Variants in EIF2D observed in about 807,000 individuals in gnomAD.
EIF2D encodes hepatocellular carcinoma-associated antigen 56.
In EIF2D, 56 loss-of-function variants were observed where a neutral mutation model predicts 77.4. The observed-to-expected ratio is 0.72, with a 90% CI of 0.58 to 0.90. The LOEUF is 0.90. Among genes scored for constraint, EIF2D ranks in the 40% least tolerant of loss-of-function variants. The pLI is 0.00. For synonymous variants in EIF2D, 230 were observed against 271.0 expected (o/e 0.85, Z 1.49); for missense variants, 574 against 706.5 (o/e 0.81, Z 2.13).
rs1167047309 is a variant in EIF2D at position 206,603,383 on chromosome 1, A to T, written c.531-179T>A. 7 of 726,022 alleles carry T rather than the reference A, an allele frequency of 9.6e-6. No homozygotes were observed. In the Admixed American group the frequency reaches 2.1e-4, roughly 22 times the overall value. The allele number at this position is 726,022 out of a possible 1,614,324, so 45.0% of individuals were successfully genotyped here. ...GTACTTTCAATTCTGGGCCCCTAAA[A>T]GTTCCATGCCTCAGTTTCTTCATCT... On this transcript the variant is annotated intron_variant, in intron 5 of 14. Coordinates refer to ENST00000271764, the MANE Select transcript of EIF2D (RefSeq NM_006893.3).
At position 206,599,118 on chromosome 1, in the gene EIF2D, G is replaced by T. The variant is rs190825717; in HGVS notation, c.1203-26C>A. ...CTAGGTGAGGAGAAGTGACCCAGGG[G>T]TTAGTTCATGCTGTGCCATGAGACA... is the stretch of plus-strand genomic sequence containing the variant. On this transcript the variant is annotated intron_variant, in intron 10 of 14. Transcript: ENST00000271764. The surrounding 1 kb of genome is among the most constrained non-coding windows in gnomAD (Gnocchi z 4.1). 3.3e-5 allele frequency: 53 copies of T among 1,608,146 alleles called. 1 individual carries two copies. Among genetic ancestry groups the T allele is most frequent in the Non-Finnish European group, 9.4e-6 (11 of 1,174,830 alleles).
intron 3 of EIF2D, 75 bp downstream of exon 3, chr1:206,609,301 G>T: frequency 1.4e-6 from 2 of 1,394,190 alleles, no homozygotes; most frequent in Non-Finnish European, 1.0e-6. Context: ...CAGGAAATGG[G>T]TAAGTTTATT....
In EIF2D at chr1:206,599,963, A is replaced by G. The variant is rs1669840735; in HGVS notation, c.949-127T>C. ...TATGAGACAGCCCCTGCCTTCATCA[A>G]CCAGGAACTGGGAGGCCCCCAACCT... On this transcript the variant is annotated intron_variant, in intron 8 of 14. Transcript: ENST00000271764. This position sits in a 1 kb window ranked among gnomAD's most constrained non-coding sequence, Gnocchi z 4.1. The G allele has an allele frequency of 3.2e-6, 3 of 934,466 alleles. No individual in the cohort carries two copies. Among genetic ancestry groups the G allele is most frequent in the Non-Finnish European group, 4.8e-6 (3 of 626,016 alleles). 57.9% of individuals were successfully genotyped at this position (934,466 alleles called of 1,614,324 possible).
intron 4 of EIF2D, among the ~76,000 whole-genome samples, chr1:206,574,053 C>T (rs766566485): frequency 2.0e-5 from 3 of 152,200 alleles, no homozygotes; most frequent in Admixed American, 1.3e-4. Context: ...TGACTACTGT[C>T]GGTTTTTAAT....
intron 11 of EIF2D, among the ~76,000 whole-genome samples, chr1:206,597,661 A>G (rs931910748): frequency 6.6e-6 from 1 of 151,102 alleles, no homozygotes. Flanking sequence ...TACTAAAAAT[A>G]GGGCCGGGCG....
downstream of EIF2D, among the ~76,000 whole-genome samples, chr1:206,569,469 A>G (rs1668381144): frequency 6.6e-6 from 1 of 152,218 alleles, no homozygotes; most frequent in Non-Finnish European, 1.5e-5. Flanking sequence ...GTCAGACTCC[A>G]TTAATCTCTC....
At chr1:206,609,355 A>G in intron 3 of EIF2D, 21 bp downstream of exon 3, 4 of 1,609,276 alleles carry the variant, frequency 2.5e-6, no homozygotes, top group Non-Finnish European at 3.4e-6. Flanking sequence ...CAATAGCCAG[A>G]ATATAGGAGA....
At chr1:206,585,389 C>G in intron 2 of EIF2D, 1 of 865,728 alleles carries the variant, frequency 1.2e-6, no homozygotes, top group Admixed American at 1.7e-5. Context: ...AGGTGGGAGC[C>G]ACGCAGCACG....
chr1:206,591,847 T>C lies in EIF2D; in HGVS notation c.1685-2A>G. ...GTTTTCGAGGGAGCTGATACTCTTC[T>C]ACAATCCAAAAAGCACACACTCCTC... is the stretch of plus-strand genomic sequence containing the variant. On this transcript the variant is annotated splice_acceptor_variant, in intron 14 of 14. Transcript: ENST00000271764. LOFTEE classifies it high-confidence loss of function. 1.2e-6 allele frequency: 2 copies of C among 1,614,158 alleles called. No individual in the cohort carries two copies. Among genetic ancestry groups the C allele is most frequent in the Non-Finnish European group, 1.7e-6 (2 of 1,180,026 alleles).
At chr1:206,578,759 G>A (rs1243089366) in intron 4 of EIF2D, among the ~76,000 whole-genome samples, 2 of 152,116 alleles carry the variant, frequency 1.3e-5, no homozygotes, top group Admixed American at 6.6e-5. Flanking sequence ...ATTCCTGGGT[G>A]CCCTGGGCCC....
At chr1:206,602,098 G>A (rs1459797970) in intron 7 of EIF2D, 3 of 453,090 alleles carry the variant, frequency 6.6e-6, no homozygotes, top group South Asian at 3.2e-5. Flanking sequence ...TTAACTTTCC[G>A]GTCCTCAATA....
chr1:206,590,334 A>G (rs1436231855), downstream of EIF2D, among the ~76,000 whole-genome samples: 1 of 152,248 alleles, frequency 6.6e-6, no homozygotes, highest in Non-Finnish European at 1.5e-5. Context: ...TTGTGTCTTC[A>G]GCAGAGATCA....
chr1:206,578,363 G>A (rs185362884), intron 4 of EIF2D, among the ~76,000 whole-genome samples: 2 of 152,174 alleles, frequency 1.3e-5, no homozygotes, highest in East Asian at 3.9e-4. Flanking sequence ...TGTAAAATGA[G>A]CATCATAATA....
downstream of EIF2D, chr1:206,586,802 A>G (rs1553407732): frequency 5.0e-6 from 8 of 1,597,804 alleles, no homozygotes; most frequent in Non-Finnish European, 6.0e-6. Context: ...GTTTCTTCCC[A>G]CAAATCTCCC....
downstream of EIF2D, chr1:206,587,280 C>T: frequency 2.7e-6 from 1 of 374,708 alleles, no homozygotes; most frequent in South Asian, 2.2e-5. Flanking sequence ...CCTCTCTCGT[C>T]ACCAAACTGG....
At chr1:206,606,495 G>A (rs782402228) in intron 4 of EIF2D, among the ~76,000 whole-genome samples, 1 of 151,914 alleles carries the variant, frequency 6.6e-6, no homozygotes, top group Non-Finnish European at 1.5e-5. Context: ...ACACTCTAAA[G>A]GCTAAAGTGA....
intron 4 of EIF2D, among the ~76,000 whole-genome samples, chr1:206,572,943 C>A (rs1034456797): frequency 1.3e-5 from 2 of 152,066 alleles, no homozygotes; most frequent in Non-Finnish European, 2.9e-5. Context: ...CCCCACTGAC[C>A]AAGCTTTGGT....
In EIF2D at chr1:206,595,732, C is replaced by A; in HGVS notation, c.1495G>T (p.Ala499Ser). 2.5e-6 allele frequency: 4 copies of A among 1,613,654 alleles called. No homozygotes were observed. The highest frequency in any genetic ancestry group is 3.4e-6 in the Non-Finnish European group (4 of 1,179,684). ...CPIDITLAQR[A>S]SNKKVTVVRN... ...TCTAAAATTACCTTTTTATTAGACGCTCTTTGTGCTAGGGTGATGTCAATT... is the reference window on the plus strand; with the variant it reads ...TCTAAAATTACCTTTTTATTAGACGATCTTTGTGCTAGGGTGATGTCAATT... Residue 499 changes from alanine (A) to serine (S), a missense_variant, in exon 13 of 15, where the codon GCG becomes TCG. Ala to Ser is a moderately conservative substitution (Grantham distance 99). Transcript: ENST00000271764.
intron 13 of EIF2D, chr1:206,594,401 T>C (rs1304778451): frequency 6.6e-6 from 1 of 152,194 alleles, no homozygotes; most frequent in Non-Finnish European, 1.5e-5. Context: ...AAATGACAAG[T>C]ATGTGACTTT....
Sources: allele counts gnomAD v4.1 joint callset (sites outside exome capture counted in the v4.1 genomes callset), GRCh38; gene constraint gnomAD v4.1.1; non-coding constraint Gnocchi (gnomAD v3.1); transcripts MANE v1.5; gene names NCBI Gene and HGNC (gene_info 2026-07-23, HGNC 2026-07-21).